The following OSBPL8 variants were observed in gnomAD, a reference collection of about 807,000 sequenced individuals.
The protein encoded by OSBPL8 is oxysterol-binding protein-related protein 8.
OSBPL8 carries 59 observed loss-of-function variants against 125.5 expected under a neutral mutation model. The ratio of observed to expected loss-of-function variants is 0.47; its 90% CI spans 0.38 to 0.58. OSBPL8 has a LOEUF of 0.58. Among genes scored for constraint, OSBPL8 ranks in the 20% least tolerant of loss-of-function variants. OSBPL8 has a pLI of 0.00. For missense variants in OSBPL8, 758 were observed against 1,047.8 expected, an observed-to-expected ratio of 0.72 and a Z score of 3.82; for synonymous variants, 330 against 338.9, an observed-to-expected ratio of 0.97 and a Z score of 0.29.
chr12:76,378,505 A>C lies in OSBPL8; in HGVS notation c.1676T>G (p.Phe559Cys). 1 of 1,606,464 alleles carries C rather than the reference A, an allele frequency of 6.2e-7. No individual in the cohort carries two copies. Among genetic ancestry groups the C allele is most frequent in the Non-Finnish European group, 8.5e-7 (1 of 1,174,078 alleles). The change falls in exon 16 of 24, where the codon TTC (phenylalanine) becomes TGC (cysteine). Residue 559 changes from phenylalanine (F) to cysteine (C), a missense_variant. Transcript: ENST00000261183. ...TACATAATCTTCACCTCTATTCAAG[A>C]AAGTTAACCGTGCTTCTCCCTCTAA... is the stretch of plus-strand genomic sequence containing the variant. Reference protein sequence around the residue: ...AILEGEARLTFLNRGEDYVMT... With the variant: ...AILEGEARLTCLNRGEDYVMT...
At position 76,353,312 on chromosome 12, in the gene OSBPL8, T is replaced by G. The variant is rs1327978549; in HGVS notation, c.*2577A>C. 2 of 151,488 alleles carry G rather than the reference T, an allele frequency of 1.3e-5. No homozygotes were observed. The highest frequency in any genetic ancestry group is 3.0e-5 in the Non-Finnish European group (2 of 67,674). The allele number at this position is 151,488 out of a possible 1,614,324, so 9.4% of individuals were successfully genotyped here. ...TATTTATTGTTGTTGTTTTTTTTTTTTTTTTACATGTCCTGGGCCAGCTAC... is the reference window on the plus strand; with the variant it reads ...TATTTATTGTTGTTGTTTTTTTTTTGTTTTTACATGTCCTGGGCCAGCTAC... On this transcript the variant is annotated 3_prime_UTR_variant, in exon 24 of 24. Transcript: ENST00000261183.
intron 17 of OSBPL8, 59 bp downstream of exon 17, chr12:76,375,214 C>A: frequency 1.7e-6 from 2 of 1,148,474 alleles, no homozygotes; most frequent in South Asian, 1.4e-5. Context: ...GCCCTTTATT[C>A]AATATTTATT....
At chr12:76,385,961 C>T (rs1953292241) in intron 14 of OSBPL8, 1 of 617,224 alleles carries the variant, frequency 1.6e-6, no homozygotes, top group African/African-American at 1.9e-5. Flanking sequence ...TATTTTTGGT[C>T]AAAGGATTCC....
intron 4 of OSBPL8, among the ~76,000 whole-genome samples, chr12:76,412,487 CT>C (rs1397833948): frequency 6.6e-6 from 1 of 152,094 alleles, no homozygotes; most frequent in Non-Finnish European, 1.5e-5. Context: ...TTGCGTTTCT[CT>C]TGCTTTGACA....
At position 76,555,565 on chromosome 12, in the gene OSBPL8, TC is replaced by T. The variant is rs1951069304; in HGVS notation, c.-68+3831del. ...AATAATTTTGTATTTGCTGAAGTCC[TC>T]CTATGTGTGACACATTGAGGTAGGC... On this transcript the variant is annotated intron_variant, in intron 1 of 23. Coordinates refer to ENST00000261183, the MANE Select transcript of OSBPL8 (RefSeq NM_020841.5). Among the ~76,000 whole-genome samples the T allele has an allele frequency of 2.0e-5, 3 of 152,236 alleles. No homozygotes were observed. In the South Asian group the frequency reaches 6.2e-4, roughly 31 times the overall value.
intron 1 of OSBPL8, among the ~76,000 whole-genome samples, chr12:76,519,305 T>G (rs139808043): frequency 1.0e-3 from 157 of 152,282 alleles, no homozygotes; most frequent in African/African-American, 3.5e-3. Flanking sequence ...AAGGGTGACC[T>G]TTACTCCAGT....
intron 2 of OSBPL8, among the ~76,000 whole-genome samples, chr12:76,462,045 G>T (rs530446059): frequency 6.6e-6 from 1 of 152,116 alleles, no homozygotes; most frequent in African/African-American, 2.4e-5. Flanking sequence ...TGATTGCATC[G>T]TTTCCCTAGA....
intron 4 of OSBPL8, among the ~76,000 whole-genome samples, chr12:76,415,470 AC>A (rs1486495177): frequency 6.6e-6 from 1 of 151,222 alleles, no homozygotes; most frequent in Non-Finnish European, 1.5e-5. Flanking sequence ...CCGGTCTCGA[AC>A]TCCTGACCTC....
chr12:76,447,402 T>C (rs1363546278), intron 4 of OSBPL8, among the ~76,000 whole-genome samples: 1 of 152,238 alleles, frequency 6.6e-6, no homozygotes, highest in Non-Finnish European at 1.5e-5. Flanking sequence ...AAAAATGCTC[T>C]AGCTAGATAT....
intron 4 of OSBPL8, among the ~76,000 whole-genome samples, chr12:76,441,253 A>C (rs1351440545): frequency 6.6e-6 from 1 of 152,172 alleles, no homozygotes; most frequent in Admixed American, 6.5e-5. Context: ...ATATTGGGCC[A>C]TCTGTCAAAA....
intron 2 of OSBPL8, among the ~76,000 whole-genome samples, chr12:76,460,146 T>A (rs982045214): frequency 2.6e-5 from 4 of 152,148 alleles, no homozygotes; most frequent in Admixed American, 6.5e-5. Context: ...ATGAAGGTGG[T>A]AAGAGAAAAA....
chr12:76,472,895 G>A (rs1876336958), intron 2 of OSBPL8, among the ~76,000 whole-genome samples: 1 of 152,160 alleles, frequency 6.6e-6, no homozygotes, highest in South Asian at 2.1e-4. Context: ...CCCTCCACAA[G>A]AGGTGGAGGA....
At chr12:76,539,565 A>G (rs1950588156) in intron 1 of OSBPL8, among the ~76,000 whole-genome samples, 1 of 152,210 alleles carries the variant, frequency 6.6e-6, no homozygotes, top group Admixed American at 6.5e-5. Flanking sequence ...CCATCTTTCA[A>G]TCAACGTAAT....
chr12:76,556,456 C>A (rs776544098), intron 1 of OSBPL8, among the ~76,000 whole-genome samples: 4 of 63,880 alleles, frequency 6.3e-5, no homozygotes, highest in African/African-American at 2.8e-4. Context: ...GGATGGGGAC[C>A]AAGGTGGGAA....
chr12:76,390,248 T>C (rs1030917134), intron 11 of OSBPL8, 172 bp downstream of exon 11: 2 of 554,870 alleles, frequency 3.6e-6, no homozygotes, highest in African/African-American at 1.9e-5. Context: ...TGTGAGTATA[T>C]GTGTTTAGTT....
intron 2 of OSBPL8, among the ~76,000 whole-genome samples, chr12:76,477,805 T>TTA (rs1876991516): frequency 6.6e-6 from 1 of 152,180 alleles, no homozygotes; most frequent in Non-Finnish European, 1.5e-5. Context: ...GGAACTCTAT[T>TTA]ATCTTTACAA....
chr12:76,512,164 CTTCT>C lies in OSBPL8; in HGVS notation c.-67-24550_-67-24547del, dbSNP rs1260138520. 7.2e-5 allele frequency among the ~76,000 whole-genome samples: 11 copies of C among 152,248 alleles called. No individual in the cohort carries two copies. In the South Asian group the frequency reaches 8.3e-4, roughly 11 times the overall value. On this transcript the variant is annotated intron_variant, in intron 1 of 23. Coordinates refer to ENST00000261183, the MANE Select transcript of OSBPL8 (RefSeq NM_020841.5). ...AGTAGACCCCAGTGTCTGTTGTTTC[CTTCT>C]TTATGTTCACAAGTTCTTATCCTTT...
rs1408948705 is a variant in OSBPL8 at position 76,351,808 on chromosome 12, T to C, written c.*4081A>G. The C allele has an allele frequency of 6.6e-6, 1 of 152,220 alleles. No individual in the cohort carries two copies. The highest frequency in any genetic ancestry group is 6.5e-5 in the Admixed American group (1 of 15,284). 9.4% of individuals were successfully genotyped at this position (152,220 alleles called of 1,614,324 possible). ...TCACTTGATCACCGTTTGCTCTTTT[T>C]AAAAATTTTATTTAGAAGCCTACTT... On this transcript the variant is annotated 3_prime_UTR_variant, in exon 24 of 24. Coordinates refer to ENST00000261183, the MANE Select transcript of OSBPL8 (RefSeq NM_020841.5).
chr12:76,397,551 G>T, intron 8 of OSBPL8, 143 bp downstream of exon 8: 1 of 820,034 alleles, frequency 1.2e-6, no homozygotes, highest in Non-Finnish European at 1.9e-6. Flanking sequence ...GTGGGTAGAG[G>T]CAGAATGGGG....
Sources: allele counts gnomAD v4.1 joint callset (sites outside exome capture counted in the v4.1 genomes callset), GRCh38; gene constraint gnomAD v4.1.1; transcripts MANE v1.5; gene names NCBI Gene and HGNC (gene_info 2026-07-23, HGNC 2026-07-21).